The following CLK3 variants were observed in gnomAD, a reference collection of about 807,000 sequenced individuals.
The protein encoded by CLK3 is dual specificity protein kinase CLK3.
CLK3 carries 24 observed loss-of-function variants against 65.2 expected under a neutral mutation model. The observed-to-expected ratio is 0.37, with a 90% CI of 0.27 to 0.52. The LOEUF is 0.52. Among genes scored for constraint, CLK3 ranks in the 20% least tolerant of loss-of-function variants. CLK3 has a pLI of 0.92. For missense variants in CLK3, 506 were observed against 660.0 expected, an observed-to-expected ratio of 0.77 and a Z score of 2.56; for synonymous variants, 252 against 240.8, an observed-to-expected ratio of 1.05 and a Z score of -0.43.
Position 74,627,658 on chromosome 15 carries a change from G to A in CLK3, c.1032G>A (p.Glu344=). ...CCACCCGTCACTATCGCCCGCCTGA[G>A]GTGATCCTTGGTGAGTGACTGTATG... ...IVATRHYRPP[E]VILELGWAQP... is the part of the protein sequence containing the mutation. Residue 344 remains glutamate (E), a synonymous_variant, in exon 9 of 13, where the codon GAG becomes GAA. Coordinates refer to ENST00000395066, the MANE Select transcript of CLK3 (RefSeq NM_001130028.2). The surrounding 1 kb of genome is among the most constrained non-coding windows in gnomAD (Gnocchi z 4.3). 6.2e-7 allele frequency: 1 copy of A among 1,613,626 alleles called. No individual in the cohort carries two copies.
chr15:74,620,253 G>T, intron 3 of CLK3, 28 bp downstream of exon 3: 21 of 1,612,070 alleles, frequency 1.3e-5, no homozygotes, highest in Non-Finnish European at 1.8e-5. Flanking sequence ...TGTGCTGGCT[G>T]GGGCTTAAAG....
In CLK3 at chr15:74,627,073, A is replaced by G. The variant is rs779442022; in HGVS notation, c.818-279A>G. 1.9e-5 allele frequency: 10 copies of G among 539,702 alleles called. No homozygotes were observed. The highest frequency in any genetic ancestry group is 3.6e-5 in the Non-Finnish European group (10 of 281,350). The allele number at this position is 539,702 out of a possible 1,614,324, so 33.4% of individuals were successfully genotyped here. A position where few individuals can be genotyped will look rare whatever the true frequency, so the allele number is the denominator to read the frequency against. Reference sequence around the variant, plus strand: ...TAGCTCTGCTGAGAGACAGGTGAGGAGGCCTGGTCTCTGCAGAGGAGAGGT... The same window carrying G: ...TAGCTCTGCTGAGAGACAGGTGAGGGGGCCTGGTCTCTGCAGAGGAGAGGT... On this transcript the variant is annotated intron_variant, in intron 7 of 12. Coordinates refer to ENST00000395066, the MANE Select transcript of CLK3 (RefSeq NM_001130028.2). This position sits in a 1 kb window ranked among gnomAD's most constrained non-coding sequence, Gnocchi z 4.3.
intron 3 of CLK3, 97 bp downstream of exon 3, chr15:74,620,322 C>A: frequency 1.3e-6 from 2 of 1,527,718 alleles, no homozygotes; most frequent in South Asian, 1.2e-5. Context: ...ACTGCCAGCC[C>A]TGTGCACGTG....
rs893699574 is a variant in CLK3 at position 74,622,661 on chromosome 15, T to A, written c.533+101T>A. The A allele has an allele frequency of 1.2e-5, 11 of 944,642 alleles. No individual in the cohort carries two copies. Among genetic ancestry groups the A allele is most frequent in the Non-Finnish European group, 1.7e-5 (11 of 635,698 alleles). 58.5% of individuals were successfully genotyped at this position (944,642 alleles called of 1,614,324 possible). On this transcript the variant is annotated intron_variant, in intron 5 of 12. Transcript: ENST00000395066. The surrounding 1 kb of genome is among the most constrained non-coding windows in gnomAD (Gnocchi z 4.6). ...TGGCAGCTATCAGAGCTTAACTTTT[T>A]TCTTTTTGAAGGGTGGCATCAAAGT...
Position 74,622,633 on chromosome 15 carries a change from G to A in CLK3, c.533+73G>A, listed in dbSNP as rs2062112621. 3 of 1,225,680 alleles carry A rather than the reference G, an allele frequency of 2.4e-6. No homozygotes were observed. The highest frequency in any genetic ancestry group is 1.5e-5 in the African/African-American group (1 of 65,778). 75.9% of individuals were successfully genotyped at this position (1,225,680 alleles called of 1,614,324 possible). On this transcript the variant is annotated intron_variant, in intron 5 of 12. Transcript: ENST00000395066. This position sits in a 1 kb window ranked among gnomAD's most constrained non-coding sequence, Gnocchi z 4.6. ...GGAAGAGCTGGCCTGAGGTTCTTGA[G>A]GGTGGCAGCTATCAGAGCTTAACTT...
chr15:74,616,362 A>C (rs1356796529), intron 1 of CLK3, among the ~76,000 whole-genome samples: 1 of 152,086 alleles, frequency 6.6e-6, no homozygotes, highest in Non-Finnish European at 1.5e-5. Context: ...GTTACAGGGG[A>C]TGGGACTCTG....
In CLK3 at chr15:74,618,614, A is replaced by G. The variant is rs1361260882; in HGVS notation, c.1-583A>G. On this transcript the variant is annotated intron_variant, in intron 1 of 12. Coordinates refer to ENST00000395066, the MANE Select transcript of CLK3 (RefSeq NM_001130028.2). ...GTGAGGCCTGTGTGCCTCTTTCTCC[A>G]AGGGCTGCTCTTCTAGTCTCTTGTG... is the stretch of plus-strand genomic sequence containing the variant. 2.0e-5 allele frequency among the ~76,000 whole-genome samples: 3 copies of G among 152,292 alleles called. No homozygotes were observed. The East Asian group carries it at 5.8e-4, about 29-fold the overall frequency.
chr15:74,622,108 C>A lies in CLK3; in HGVS notation c.370-12C>A. The stretch of plus-strand genomic sequence containing the variant: ...ATTGGTCGGATGGCGTTTCGGGGGG[C>A]GGTGCATGCAGAGAAGCCAACAGAG... On this transcript the variant is annotated splice_polypyrimidine_tract_variant and intron_variant, in intron 3 of 12. Coordinates refer to ENST00000395066, the MANE Select transcript of CLK3 (RefSeq NM_001130028.2). The surrounding 1 kb of genome is among the most constrained non-coding windows in gnomAD (Gnocchi z 4.6). 6.2e-7 allele frequency: 1 copy of A among 1,612,926 alleles called. No individual in the cohort carries two copies. Among genetic ancestry groups the A allele is most frequent in the Non-Finnish European group, 8.5e-7 (1 of 1,178,996 alleles).
chr15:74,624,870 A>G lies in CLK3; in HGVS notation c.534-32A>G. The G allele has an allele frequency of 6.5e-7, 1 of 1,528,866 alleles. No homozygotes were observed. The allele number at this position is 1,528,866 out of a possible 1,614,324, so 94.7% of individuals were successfully genotyped here. A position where few individuals can be genotyped will look rare whatever the true frequency, so the allele number is the denominator to read the frequency against. ...TTGGGGAAGGACTGGGCAGCTGCTGATGAGAACCTCTGTTTCCTTCCCGGG... is the reference window on the plus strand; with the variant it reads ...TTGGGGAAGGACTGGGCAGCTGCTGGTGAGAACCTCTGTTTCCTTCCCGGG... On this transcript the variant is annotated intron_variant, in intron 5 of 12. Coordinates refer to ENST00000395066, the MANE Select transcript of CLK3 (RefSeq NM_001130028.2). The surrounding 1 kb of genome is among the most constrained non-coding windows in gnomAD (Gnocchi z 4.2).
chr15:74,610,434 A>C (rs1346796745), intron 1 of CLK3, among the ~76,000 whole-genome samples: 2 of 152,222 alleles, frequency 1.3e-5, no homozygotes. Flanking sequence ...GGGAGGGCTG[A>C]AGGCAGCACA....
chr15:74,618,798 ACGGGACCGCCCCCC>A (rs1284580622), intron 1 of CLK3, among the ~76,000 whole-genome samples: 4 of 152,010 alleles, frequency 2.6e-5, no homozygotes, highest in African/African-American at 7.3e-5. Context: ...CATTCACTTC[ACGGGACCGCCCCCC>A]CGGGCGGGAG....
chr15:74,614,567 T>C (rs372739866), upstream of CLK3, among the ~76,000 whole-genome samples: 1 of 152,328 alleles, frequency 6.6e-6, no homozygotes, highest in East Asian at 1.9e-4. Context: ...CTGGCAGAGA[T>C]TTAGGGGATA....
rs775654559 is a variant in CLK3, at chr15:74,619,267, G to A, written c.71G>A (p.Arg24Lys). The change falls in exon 2 of 13, where the codon AGG (arginine) becomes AAG (lysine). Residue 24 changes from arginine to lysine, a missense_variant. Around this residue, in one of 2 missense-constraint regions of CLK3, gnomAD observed 181 missense variants for 159.4 expected, o/e 1.14. Coordinates refer to ENST00000395066, the MANE Select transcript of CLK3 (RefSeq NM_001130028.2). ...CTGAGCTACCGATGGAAGAGGAGGA[G>A]GTCCTACAGTCGGGAACATGAAGGG... Reference protein sequence around the residue: ...PYLSYRWKRRRSYSREHEGRL... With the variant: ...PYLSYRWKRRKSYSREHEGRL... The A allele has an allele frequency of 5.0e-6, 8 of 1,614,056 alleles. No homozygotes were observed. Among genetic ancestry groups the A allele is most frequent in the South Asian group, 1.1e-5 (1 of 91,092 alleles).
intron 3 of CLK3, chr15:74,620,464 T>C: frequency 1.6e-6 from 1 of 617,086 alleles, no homozygotes; most frequent in Non-Finnish European, 2.8e-6. Flanking sequence ...CGATGCTGGC[T>C]GGCCCCTGGC....
Position 74,621,782 on chromosome 15 carries a change from C to T in CLK3, c.370-338C>T, listed in dbSNP as rs1377863956. Reference sequence around the variant, plus strand: ...AGGAGGGAGTCGGGGCGATGGCTCTCCTCACAGCGTGGCCCTCAGCAGCAG... The same window carrying T: ...AGGAGGGAGTCGGGGCGATGGCTCTTCTCACAGCGTGGCCCTCAGCAGCAG... On this transcript the variant is annotated intron_variant, in intron 3 of 12. Transcript: ENST00000395066. The surrounding 1 kb of genome is among the most constrained non-coding windows in gnomAD (Gnocchi z 4.8). 2.7e-6 allele frequency: 1 copy of T among 368,572 alleles called. No individual in the cohort carries two copies. The highest frequency in any genetic ancestry group is 5.3e-6 in the Non-Finnish European group (1 of 187,522). The allele number at this position is 368,572 out of a possible 1,614,324, so 22.8% of individuals were successfully genotyped here.
Position 74,627,032 on chromosome 15 carries a change from C to T in CLK3, c.818-320C>T, listed in dbSNP as rs1173071387. 2.0e-6 allele frequency: 1 copy of T among 503,636 alleles called. No individual in the cohort carries two copies. Among genetic ancestry groups the T allele is most frequent in the Admixed American group, 2.3e-5 (1 of 43,886 alleles). The allele number at this position is 503,636 out of a possible 1,614,324, so 31.2% of individuals were successfully genotyped here. A position where few individuals can be genotyped will look rare whatever the true frequency, so the allele number is the denominator to read the frequency against. ...GCTGGTGCAGGGAAGAGGGAACCAC[C>T]TCGAGGCTGTTGCTGTAGCTCTGCT... is the stretch of plus-strand genomic sequence containing the variant. On this transcript the variant is annotated intron_variant, in intron 7 of 12. Transcript: ENST00000395066. The surrounding 1 kb of genome is among the most constrained non-coding windows in gnomAD (Gnocchi z 4.3).
chr15:74,612,365 C>T (rs982661046), upstream of CLK3, among the ~76,000 whole-genome samples: 1 of 152,190 alleles, frequency 6.6e-6, no homozygotes, highest in African/African-American at 2.4e-5. Flanking sequence ...CTCTCACCCA[C>T]CAGCTTGGTG....
At position 74,619,279 on chromosome 15, in the gene CLK3, G is replaced by A. The variant is rs573399106; in HGVS notation, c.83G>A (p.Arg28Gln). ...TGGAAGAGGAGGAGGTCCTACAGTC[G>A]GGAACATGAAGGGAGACTGCGATAC... ...YRWKRRRSYSREHEGRLRYPS... is the reference protein window; with the variant it reads ...YRWKRRRSYSQEHEGRLRYPS... Residue 28 changes from arginine to glutamine, a missense_variant, in exon 2 of 13, where the codon CGG (arginine) becomes CAG (glutamine). Transcript: ENST00000395066. The A allele has an allele frequency of 2.5e-5, 41 of 1,614,132 alleles. No individual in the cohort carries two copies. In the South Asian group the frequency reaches 3.4e-4, roughly 13 times the overall value.
chr15:74,612,449 C>A (rs1241609129), upstream of CLK3, among the ~76,000 whole-genome samples: 4 of 152,144 alleles, frequency 2.6e-5, no homozygotes, highest in Non-Finnish European at 5.9e-5. Flanking sequence ...TCACCCTCCT[C>A]ACCTCTAGGG....
Sources: gnomAD v4.1 joint callset for allele counts (sites outside exome capture counted in the v4.1 genomes callset) on GRCh38, gnomAD v4.1.1 for gene constraint, gnomAD v4.1.1 regional missense constraint, Gnocchi (gnomAD v3.1) non-coding constraint, MANE v1.5 for transcripts, NCBI Gene and HGNC (gene_info 2026-07-23, HGNC 2026-07-21) for gene names.